Variants in FUT9 observed in about 807,000 individuals in gnomAD.
FUT9 encodes 4-galactosyl-N-acetylglucosaminide 3-alpha-L-fucosyltransferase 9.
FUT9 carries 15 observed loss-of-function variants against 29.7 expected under a neutral mutation model. The ratio of observed to expected loss-of-function variants is 0.51; its 90% CI spans 0.34 to 0.78. The LOEUF is 0.78. FUT9 is among the 30% of genes least tolerant of loss of function. The probability of loss-of-function intolerance (pLI) is 0.01; values close to 1 mark genes in which losing one functional copy is unlikely to be tolerated. For synonymous variants in FUT9, 169 were observed against 153.7 expected, an observed-to-expected ratio of 1.10 and a Z score of -0.74; for missense variants, 319 against 425.4, an observed-to-expected ratio of 0.75 and a Z score of 2.20.
intron 2 of FUT9, among the ~76,000 whole-genome samples, chr6:96,118,933 A>G (rs1254664632): frequency 6.7e-6 from 1 of 149,096 alleles, no homozygotes. Flanking sequence ...TAAGGATTAA[A>G]GAAAGAAATT....
chr6:96,061,509 T>C (rs903212732), intron 1 of FUT9, among the ~76,000 whole-genome samples: 3 of 152,056 alleles, frequency 2.0e-5, no homozygotes, highest in Admixed American at 6.5e-5. Flanking sequence ...GCTTCCTTTT[T>C]TATTTTCTTG....
rs764169729 is a variant in FUT9 at position 96,050,473 on chromosome 6, C to T, written c.-98+34261C>T. ...ATTATCTAACCCAGTGCTTTTCAAG[C>T]GATTCTAACAGAAGAGTTGTTTTCC... On this transcript the variant is annotated intron_variant, in intron 1 of 2. Coordinates refer to ENST00000302103, the MANE Select transcript of FUT9 (RefSeq NM_006581.4). Among the ~76,000 whole-genome samples, 6 of 152,274 alleles carry T rather than the reference C, an allele frequency of 3.9e-5. No individual in the cohort carries two copies. The South Asian group carries it at 6.2e-4, about 16-fold the overall frequency.
At chr6:96,181,525 T>C (rs911026319) in intron 2 of FUT9, among the ~76,000 whole-genome samples, 3 of 151,956 alleles carry the variant, frequency 2.0e-5, no homozygotes, top group African/African-American at 7.2e-5. Context: ...TTGTGAGATT[T>C]TGGTGCACAA....
chr6:96,040,922 G>T (rs1284977043), intron 1 of FUT9, among the ~76,000 whole-genome samples: 1 of 152,038 alleles, frequency 6.6e-6, no homozygotes, highest in Admixed American at 6.6e-5. Flanking sequence ...AGGGTTTAAT[G>T]AGAGGGTGGG....
chr6:96,047,986 A>G (rs1770593569), intron 1 of FUT9, among the ~76,000 whole-genome samples: 1 of 152,160 alleles, frequency 6.6e-6, no homozygotes, highest in Non-Finnish European at 1.5e-5. Context: ...ATCTCTTTCT[A>G]GAAGCTTTTG....
At chr6:96,088,072 C>T (rs1202633210) in intron 1 of FUT9, among the ~76,000 whole-genome samples, 2 of 151,888 alleles carry the variant, frequency 1.3e-5, no homozygotes, top group Non-Finnish European at 2.9e-5. Flanking sequence ...TGCTGTCATT[C>T]TTATCTTTAT....
At chr6:96,048,166 C>T (rs1446775859) in intron 1 of FUT9, among the ~76,000 whole-genome samples, 3 of 152,098 alleles carry the variant, frequency 2.0e-5, no homozygotes, top group African/African-American at 7.2e-5. Flanking sequence ...TTTAGAGACC[C>T]ATGTGATTAT....
chr6:96,191,825 C>A (rs1449716154), intron 2 of FUT9, among the ~76,000 whole-genome samples: 1 of 152,162 alleles, frequency 6.6e-6, no homozygotes, highest in Non-Finnish European at 1.5e-5. Flanking sequence ...CAAACCGAAT[C>A]CAGCAGCACA....
intron 2 of FUT9, among the ~76,000 whole-genome samples, chr6:96,200,484 T>A (rs1773708712): frequency 6.6e-6 from 1 of 152,124 alleles, no homozygotes; most frequent in Non-Finnish European, 1.5e-5. Flanking sequence ...GTGTCCTTTT[T>A]AGGGGTTCTA....
chr6:96,044,918 C>G (rs1042966836), intron 1 of FUT9, among the ~76,000 whole-genome samples: 7 of 152,060 alleles, frequency 4.6e-5, no homozygotes, highest in South Asian at 4.1e-4. Context: ...ATACATACAG[C>G]CTTATATGTT....
At chr6:96,032,116 T>C (rs1770272475) in intron 1 of FUT9, among the ~76,000 whole-genome samples, 1 of 151,622 alleles carries the variant, frequency 6.6e-6, no homozygotes, top group Admixed American at 6.6e-5. Flanking sequence ...ACATTTAAAA[T>C]AGGACTTTTA....
At chr6:96,144,938 T>C (rs1326341760) in intron 2 of FUT9, among the ~76,000 whole-genome samples, 1 of 152,220 alleles carries the variant, frequency 6.6e-6, no homozygotes, top group Non-Finnish European at 1.5e-5. Context: ...AGATATGTAG[T>C]GTCTCATAAC....
In FUT9 at chr6:96,204,242, T is replaced by C. The variant is rs138904451; in HGVS notation, c.*7T>C. 3.8e-5 allele frequency: 55 copies of C among 1,436,190 alleles called. No individual in the cohort carries two copies. Among genetic ancestry groups the C allele is most frequent in the Admixed American group, 2.6e-4 (10 of 38,914 alleles). 89.0% of individuals were successfully genotyped at this position (1,436,190 alleles called of 1,614,324 possible). ...GAAATGGTTTTGGAATTAAAATTTT[T>C]CATCACTTGCACACTTGATAAATAT... On this transcript the variant is annotated 3_prime_UTR_variant, in exon 3 of 3. Coordinates refer to ENST00000302103, the MANE Select transcript of FUT9 (RefSeq NM_006581.4).
intron 1 of FUT9, among the ~76,000 whole-genome samples, chr6:96,063,283 G>C (rs1426349373): frequency 6.6e-6 from 1 of 152,146 alleles, no homozygotes; most frequent in East Asian, 1.9e-4. Context: ...TTGGCTCACG[G>C]TTCTGTATGT....
At chr6:96,069,276 G>A (rs1200233738) in intron 1 of FUT9, among the ~76,000 whole-genome samples, 5 of 151,666 alleles carry the variant, frequency 3.3e-5, no homozygotes, top group South Asian at 4.2e-4. Flanking sequence ...AGCCGAGATC[G>A]CGCCACTGAA....
chr6:96,100,847 C>T (rs143956746), intron 1 of FUT9, among the ~76,000 whole-genome samples: 24 of 152,018 alleles, frequency 1.6e-4, no homozygotes, highest in African/African-American at 5.3e-4. Flanking sequence ...TGTAGTTTTC[C>T]TAATATATGT....
rs1773826825 is a variant in FUT9 at position 96,206,190 on chromosome 6, T to G, written c.*1955T>G. ...AAATTTCCCCAATTGCTTAGCTGTT[T>G]GACATGTTTCTGAGCTGCAAACTTT... is the stretch of plus-strand genomic sequence containing the variant. On this transcript the variant is annotated 3_prime_UTR_variant, in exon 3 of 3. Coordinates refer to ENST00000302103, the MANE Select transcript of FUT9 (RefSeq NM_006581.4). The G allele has an allele frequency of 2.4e-5, 4 of 167,204 alleles. No individual in the cohort carries two copies. The Admixed American group carries it at 2.6e-4, about 11-fold the overall frequency. 10.4% of individuals were successfully genotyped at this position (167,204 alleles called of 1,614,324 possible). A position where few individuals can be genotyped will look rare whatever the true frequency, so the allele number is the denominator to read the frequency against.
At chr6:96,151,682 G>T (rs1235458096) in intron 2 of FUT9, among the ~76,000 whole-genome samples, 1 of 152,112 alleles carries the variant, frequency 6.6e-6, no homozygotes, top group East Asian at 1.9e-4. Flanking sequence ...GCTGAGTTTT[G>T]TTATATTCAG....
chr6:96,047,932 A>G (rs555203012), intron 1 of FUT9, among the ~76,000 whole-genome samples: 1 of 152,200 alleles, frequency 6.6e-6, no homozygotes. Context: ...TCAGAAGTCC[A>G]ACTCAGGTCT....
Sources: gnomAD v4.1 joint callset for allele counts (sites outside exome capture counted in the v4.1 genomes callset) on GRCh38, gnomAD v4.1.1 for gene constraint, MANE v1.5 for transcripts, NCBI Gene and HGNC (gene_info 2026-07-23, HGNC 2026-07-21) for gene names.